The following PPP1R12C variants were observed in gnomAD, a reference collection of about 807,000 sequenced individuals.
PPP1R12C encodes protein phosphatase 1 regulatory subunit 12C.
PPP1R12C carries 48 observed loss-of-function variants against 95.6 expected under a neutral mutation model. The ratio of observed to expected loss-of-function variants is 0.50; its 90% confidence interval spans 0.40 to 0.64. The LOEUF is 0.64. Among genes scored for constraint, PPP1R12C ranks in the 30% least tolerant of loss-of-function variants. PPP1R12C has a pLI of 0.00. For missense variants in PPP1R12C, 1,057 were observed against 1,083.3 expected (o/e 0.98, Z 0.34); for synonymous variants, 480 against 460.8 (o/e 1.04, Z -0.53).
chr19:55,101,415 C>G (rs1374188675), intron 4 of PPP1R12C, among the ~76,000 whole-genome samples: 1 of 151,696 alleles, frequency 6.6e-6, no homozygotes, highest in Admixed American at 6.6e-5. Context: ...CCCACACAGG[C>G]CCCCTGGCCG....
Position 55,112,723 on chromosome 19 carries a change from T to C in PPP1R12C, c.394A>G (p.Asn132Asp). 1 of 1,613,850 alleles carries C rather than the reference T, an allele frequency of 6.2e-7. No homozygotes were observed. The highest frequency in any genetic ancestry group is 8.5e-7 in the Non-Finnish European group (1 of 1,179,954). ...ACGTGCAGTGGCGTCCAGCCCTCGT[T>C]GTCTGCCTGGTTCACAGTGGCGCCC... ...EQGATVNQAD[N>D]EGWTPLHVAA... The change falls in exon 2 of 22, where the codon AAC (asparagine) becomes GAC (aspartate). Residue 132 changes from asparagine to aspartate, a missense_variant. Physicochemically the swap from Asn to Asp is conservative, Grantham distance 23. Coordinates refer to ENST00000263433, the MANE Select transcript of PPP1R12C (RefSeq NM_017607.4).
Position 55,096,218 on chromosome 19 carries a change from GC to G in PPP1R12C, c.1026-41del, listed in dbSNP as rs764385458. The G allele has an allele frequency of 2.5e-6, 4 of 1,613,110 alleles. No individual in the cohort carries two copies. The African/African-American group carries it at 4.0e-5, about 16-fold the overall frequency. ...GAGGGTGCTGGGGTACAAGCCCGGG[GC>G]CTCCAGCCACCCCGCCAGCCCTGGA... is the stretch of plus-strand genomic sequence containing the variant. On this transcript the variant is annotated intron_variant, in intron 7 of 21. Transcript: ENST00000263433.
Position 55,094,693 on chromosome 19 carries a change from C to T in PPP1R12C, c.1560G>A (p.Thr520=), listed in dbSNP as rs1433720134. The T allele has an allele frequency of 2.5e-6, 4 of 1,607,138 alleles. No homozygotes were observed. Among genetic ancestry groups the T allele is most frequent in the East Asian group, 2.2e-5 (1 of 44,780 alleles). ...PAKPNVPTAS[T]APPADSRDRR... is the part of the protein sequence containing the mutation. Reference sequence around the variant, plus strand: ...GGTCCCGGGAGTCCGCTGGGGGCGCCGTGGAGGCTGTGGGGACGTTTGGCT... The same window carrying T: ...GGTCCCGGGAGTCCGCTGGGGGCGCTGTGGAGGCTGTGGGGACGTTTGGCT... The change falls in exon 12 of 22, where the codon ACG becomes ACA. Residue 520 remains threonine (T), a synonymous_variant. Coordinates refer to ENST00000263433, the MANE Select transcript of PPP1R12C (RefSeq NM_017607.4).
intron 4 of PPP1R12C, 75 bp from the exon 5 acceptor site, chr19:55,099,170 T>C (rs547942194): frequency 3.3e-4 from 471 of 1,432,552 alleles, no homozygotes; most frequent in Non-Finnish European, 4.2e-4. Context: ...GCCAGCGGTT[T>C]GGTAACGAGG....
chr19:55,115,327 G>C (rs1279201220), intron 1 of PPP1R12C: 1 of 152,126 alleles, frequency 6.6e-6, no homozygotes, highest in East Asian at 1.9e-4. Flanking sequence ...ATATAAATTG[G>C]GGACTAGAAA....
At chr19:55,114,579 TA>T (rs1251708529) in intron 1 of PPP1R12C, 3 of 152,208 alleles carry the variant, frequency 2.0e-5, no homozygotes, top group Non-Finnish European at 4.4e-5. Context: ...GTTTCAGTGC[TA>T]AAACTAGGCT....
chr19:55,108,004 C>T lies in PPP1R12C; in HGVS notation c.572-4436G>A, dbSNP rs148587734. ...AGGCTGGAGTGCAGTGGTGAGATCT[C>T]GGCTCACTGCAACCTCCATCTCCTG... On this transcript the variant is annotated intron_variant, in intron 3 of 21. Transcript: ENST00000263433. 5.8e-3 allele frequency among the ~76,000 whole-genome samples: 818 copies of T among 141,878 alleles called. 7 individuals are homozygous for T. The highest frequency in any genetic ancestry group is 0.021 in the African/African-American group (776 of 37,136). 93.1% of individuals were successfully genotyped at this position (141,878 alleles called of 152,430 possible).
In PPP1R12C at chr19:55,109,883, G is replaced by A. The variant is rs2085076877; in HGVS notation, c.571+2584C>T. Among the ~76,000 whole-genome samples, 1 of 152,176 alleles carries A rather than the reference G, an allele frequency of 6.6e-6. No homozygotes were observed. The highest frequency in any genetic ancestry group is 2.1e-4 in the South Asian group (1 of 4,834). ...ACAGGGTGTCACAGGCAGTCGCCTT[G>A]TGATTTGGGGCCGCAGAGTCCCACC... On this transcript the variant is annotated intron_variant, in intron 3 of 21. Coordinates refer to ENST00000263433, the MANE Select transcript of PPP1R12C (RefSeq NM_017607.4). This position sits in a 1 kb window ranked among gnomAD's most constrained non-coding sequence, Gnocchi z 4.4.
At chr19:55,102,226 C>A (rs925525807) in intron 4 of PPP1R12C, among the ~76,000 whole-genome samples, 2 of 152,174 alleles carry the variant, frequency 1.3e-5, no homozygotes, top group Non-Finnish European at 2.9e-5. Context: ...ACTATATATG[C>A]ACCTTGGTTG....
rs1390646147 is a variant in PPP1R12C at position 55,093,147 on chromosome 19, T to C, written c.1764+6A>G. 6.2e-7 allele frequency: 1 copy of C among 1,613,400 alleles called. No homozygotes were observed. Among genetic ancestry groups the C allele is most frequent in the South Asian group, 1.1e-5 (1 of 91,086 alleles). On this transcript the variant is annotated splice_donor_region_variant and intron_variant, in intron 14 of 21. Transcript: ENST00000263433. ...CACCCCACTCGCCCTCGCTGACCCCTCTCACCAGGCTCTGCGCCGGCTTCT... is the reference window on the plus strand; with the variant it reads ...CACCCCACTCGCCCTCGCTGACCCCCCTCACCAGGCTCTGCGCCGGCTTCT...
chr19:55,102,774 C>T (rs540683951), intron 4 of PPP1R12C, among the ~76,000 whole-genome samples: 5 of 152,150 alleles, frequency 3.3e-5, no homozygotes, highest in Non-Finnish European at 5.9e-5. Context: ...CATTCTTTTC[C>T]GACTTACATG....
chr19:55,097,374 G>A (rs548932403), intron 6 of PPP1R12C, among the ~76,000 whole-genome samples: 1 of 86,176 alleles, frequency 1.2e-5, no homozygotes, highest in Non-Finnish European at 2.3e-5. Flanking sequence ...GCAGTTCACC[G>A]TCTTCACCCC....
chr19:55,100,288 C>T (rs533526703), intron 4 of PPP1R12C, among the ~76,000 whole-genome samples: 1 of 152,366 alleles, frequency 6.6e-6, no homozygotes, highest in African/African-American at 2.4e-5. Context: ...ATGCTGCCCC[C>T]CAGGGGACAT....
intron 3 of PPP1R12C, among the ~76,000 whole-genome samples, chr19:55,105,763 T>C (rs762265007): frequency 1.3e-5 from 2 of 151,976 alleles, no homozygotes; most frequent in African/African-American, 4.8e-5. Context: ...CTGAGCAACA[T>C]AGGGAGACCT....
rs531728230 is a variant in PPP1R12C at position 55,109,516 on chromosome 19, G to A, written c.571+2951C>T. Among the ~76,000 whole-genome samples the A allele has an allele frequency of 1.2e-4, 19 of 152,232 alleles. No individual in the cohort carries two copies. Among genetic ancestry groups the A allele is most frequent in the Non-Finnish European group, 2.1e-4 (14 of 68,038 alleles). Reference sequence around the variant, plus strand: ...AGGACTTTGCGGTGTTGGAGGGAGCGGTGGCTCCAGGCCACGAGGTGACTG... The same window carrying A: ...AGGACTTTGCGGTGTTGGAGGGAGCAGTGGCTCCAGGCCACGAGGTGACTG... On this transcript the variant is annotated intron_variant, in intron 3 of 21. Transcript: ENST00000263433. This position sits in a 1 kb window ranked among gnomAD's most constrained non-coding sequence, Gnocchi z 4.4.
chr19:55,102,891 G>A (rs988363788), intron 4 of PPP1R12C, among the ~76,000 whole-genome samples: 1 of 152,194 alleles, frequency 6.6e-6, no homozygotes, highest in Non-Finnish European at 1.5e-5. Flanking sequence ...ACAAAATGAT[G>A]ACTAGAAGTC....
At chr19:55,096,967 T>A (rs1602980430) in intron 6 of PPP1R12C, 2 of 133,136 alleles carry the variant, frequency 1.5e-5, no homozygotes, top group Admixed American at 1.7e-4. Flanking sequence ...CTTCGCCCCT[T>A]CCCCGCGCAG....
At chr19:55,100,211 C>A (rs1202337068) in intron 4 of PPP1R12C, among the ~76,000 whole-genome samples, 1 of 152,222 alleles carries the variant, frequency 6.6e-6, no homozygotes, top group Non-Finnish European at 1.5e-5. Flanking sequence ...CAAAGCCCCT[C>A]CTCATCACAC....
At chr19:55,104,192 A>ATC (rs1268188268) in intron 3 of PPP1R12C, among the ~76,000 whole-genome samples, 7 of 109,946 alleles carry the variant, frequency 6.4e-5, no homozygotes, top group Non-Finnish European at 1.2e-4. Context: ...ATATATATAT[A>ATC]TATATATACA....
Sources: allele counts gnomAD v4.1 joint callset (sites outside exome capture counted in the v4.1 genomes callset), GRCh38; gene constraint gnomAD v4.1.1; non-coding constraint Gnocchi (gnomAD v3.1); transcripts MANE v1.5; gene names NCBI Gene and HGNC (gene_info 2026-07-23, HGNC 2026-07-21).